STX1A: variants seen among roughly 807,000 people sequenced by gnomAD.
STX1A encodes the protein syntaxin-1A.
STX1A carries 4 observed loss-of-function variants against 37.8 expected under a neutral mutation model. The observed-to-expected ratio is 0.11, with a 90% confidence interval of 0.05 to 0.24. The LOEUF is 0.24. STX1A is among the 10% of genes least tolerant of loss of function. The pLI is 1.00. For missense variants in STX1A, 251 were observed against 399.9 expected (o/e 0.63, Z 3.18); for synonymous variants, 135 against 147.4 (o/e 0.92, Z 0.61).
intron 1 of STX1A, among the ~76,000 whole-genome samples, chr7:73,713,772 G>C (rs781876924): frequency 6.6e-6 from 1 of 152,214 alleles, no homozygotes; most frequent in African/African-American, 2.4e-5. Flanking sequence ...GGAATAATTA[G>C]GGCCCAGCTC....
At chr7:73,713,332 G>C (rs1799171132) in intron 1 of STX1A, among the ~76,000 whole-genome samples, 1 of 152,142 alleles carries the variant, frequency 6.6e-6, no homozygotes, top group African/African-American at 2.4e-5. Flanking sequence ...CACCTCCTCT[G>C]TTTCCCAGCC....
chr7:73,700,016 G>C lies in STX1A; in HGVS notation c.*391C>G. On this transcript the variant is annotated 3_prime_UTR_variant, in exon 10 of 10. Transcript: ENST00000222812. This position sits in a 1 kb window ranked among gnomAD's most constrained non-coding sequence, Gnocchi z 4.4. ...CCTCAGGGCTCTGCTTGTGGGGACAGCTGGAGAGGACAGGGCAGGTCAGCT... is the reference window on the plus strand; with the variant it reads ...CCTCAGGGCTCTGCTTGTGGGGACACCTGGAGAGGACAGGGCAGGTCAGCT... The C allele has an allele frequency of 3.5e-6, 1 of 284,082 alleles. No individual in the cohort carries two copies. The highest frequency in any genetic ancestry group is 4.2e-5 in the South Asian group (1 of 23,754). 17.6% of individuals were successfully genotyped at this position (284,082 alleles called of 1,614,324 possible).
At chr7:73,704,531 T>A in intron 4 of STX1A, 108 bp from the exon 5 acceptor site, 1 of 1,386,864 alleles carries the variant, frequency 7.2e-7, no homozygotes, top group Non-Finnish European at 1.0e-6. Flanking sequence ...GGTATGTGTG[T>A]GGCCTGTGGC....
At chr7:73,703,925 C>T (rs1247014713) in intron 6 of STX1A, 97 bp from the exon 7 acceptor site, 5 of 1,410,636 alleles carry the variant, frequency 3.5e-6, no homozygotes, top group Non-Finnish European at 4.7e-6. Context: ...CGGGCTCCCC[C>T]CAGCCCCGAG....
At chr7:73,714,823 T>G (rs1799234475) in intron 1 of STX1A, among the ~76,000 whole-genome samples, 1 of 150,622 alleles carries the variant, frequency 6.6e-6, no homozygotes, top group African/African-American at 2.4e-5. Context: ...CCAAAGAGAC[T>G]GAATCAGAAT....
At chr7:73,703,031 G>A (rs1584241472) in intron 7 of STX1A, 49 bp from the exon 8 acceptor site, 1 of 1,501,338 alleles carries the variant, frequency 6.7e-7, no homozygotes, top group Non-Finnish European at 8.9e-7. Flanking sequence ...CTGAGGGGCA[G>A]GGCAGAGGGC....
rs374783859 is a variant in STX1A at position 73,703,837 on chromosome 7, G to A, written c.467-9C>T. 3.7e-6 allele frequency: 6 copies of A among 1,612,526 alleles called. No homozygotes were observed. The highest frequency in any genetic ancestry group is 4.2e-6 in the Non-Finnish European group (5 of 1,179,458). On this transcript the variant is annotated splice_polypyrimidine_tract_variant and intron_variant, in intron 6 of 9. Transcript: ENST00000222812. ...GGTCGTGGTCCTGCCGGCTGCAAGC[G>A]AGTGGGGTCACACTGAGCCCAGCCC... is the stretch of plus-strand genomic sequence containing the variant.
Position 73,702,526 on chromosome 7 carries a change from T to C in STX1A, c.678+319A>G, listed in dbSNP as rs1798696445. ...GTCCCTGAGCTGTCCTGGTCACTGC[T>C]ATGCCTTCAGTCTCTGGGGAAATGC... On this transcript the variant is annotated intron_variant, in intron 8 of 9. Coordinates refer to ENST00000222812, the MANE Select transcript of STX1A (RefSeq NM_004603.4). The surrounding 1 kb of genome is among the most constrained non-coding windows in gnomAD (Gnocchi z 4.7). 4 of 642,478 alleles carry C rather than the reference T, an allele frequency of 6.2e-6. No individual in the cohort carries two copies. In the South Asian group the frequency reaches 1.0e-4, roughly 17 times the overall value. 39.8% of individuals were successfully genotyped at this position (642,478 alleles called of 1,614,324 possible). A position where few individuals can be genotyped will look rare whatever the true frequency, so the allele number is the denominator to read the frequency against.
At position 73,705,171 on chromosome 7, in the gene STX1A, T is replaced by C; in HGVS notation, c.262A>G (p.Lys88Glu). The change falls in exon 4 of 10, where the codon AAA (lysine) becomes GAA (glutamate). Residue 88 changes from lysine to glutamate, a missense_variant. Physicochemically the swap from Lys to Glu is moderately conservative, Grantham distance 56 (BLOSUM62 1). Coordinates refer to ENST00000222812, the MANE Select transcript of STX1A (RefSeq NM_004603.4). The surrounding 1 kb of genome is among the most constrained non-coding windows in gnomAD (Gnocchi z 5.2). ...TCACTCTTTAACTTGGAACGAACTT[T>C]GTTTGCTGTCTTCTTTATGTCGGAC... ...LMSDIKKTAN[K>E]VRSKLKSIEQ... 6.2e-7 allele frequency: 1 copy of C among 1,614,126 alleles called. No homozygotes were observed. Among genetic ancestry groups the C allele is most frequent in the Non-Finnish European group, 8.5e-7 (1 of 1,180,014 alleles).
rs1363508534 is a variant in STX1A, at chr7:73,709,781, G to C, written c.31-659C>G. 6.6e-6 allele frequency among the ~76,000 whole-genome samples: 1 copy of C among 152,178 alleles called. No homozygotes were observed. Among genetic ancestry groups the C allele is most frequent in the African/African-American group, 2.4e-5 (1 of 41,438 alleles). On this transcript the variant is annotated intron_variant, in intron 1 of 9. Transcript: ENST00000222812. The surrounding 1 kb of genome is among the most constrained non-coding windows in gnomAD (Gnocchi z 4.2). Reference sequence around the variant, plus strand: ...CCTTTCCAGAGTGGGCCCTATAAGGGGAGACCTGCCTACTGTGTCCCAGCC... The same window carrying C: ...CCTTTCCAGAGTGGGCCCTATAAGGCGAGACCTGCCTACTGTGTCCCAGCC...
intron 7 of STX1A, 61 bp from the exon 8 acceptor site, chr7:73,703,043 G>T (rs1187473254): frequency 2.3e-6 from 3 of 1,314,994 alleles, no homozygotes; most frequent in Non-Finnish European, 2.1e-6. Context: ...GCAGAGGGCC[G>T]AGGGGGAGGG....
In STX1A at chr7:73,709,203, AG is replaced by A; in HGVS notation, c.31-82del. ...ACGCAGGTGCCCAGGGTACAGCGCC[AG>A]GGCCCTGCCCCTCCCCCTCTCCCTG... On this transcript the variant is annotated intron_variant, in intron 1 of 9. Coordinates refer to ENST00000222812, the MANE Select transcript of STX1A (RefSeq NM_004603.4). The surrounding 1 kb of genome is among the most constrained non-coding windows in gnomAD (Gnocchi z 4.2). The A allele has an allele frequency of 7.0e-7, 1 of 1,436,062 alleles. No homozygotes were observed. The highest frequency in any genetic ancestry group is 9.7e-7 in the Non-Finnish European group (1 of 1,034,500). 89.0% of individuals were successfully genotyped at this position (1,436,062 alleles called of 1,614,324 possible).
chr7:73,704,269 G>A lies in STX1A; in HGVS notation c.358-13C>T. On this transcript the variant is annotated splice_polypyrimidine_tract_variant and intron_variant, in intron 5 of 9. Transcript: ENST00000222812. Reference sequence around the variant, plus strand: ...ACAGCGTGGAGTGCTGGGGGCCCGAGATGGAGGTGCAGGGGTCAGGCCCTG... The same window carrying A: ...ACAGCGTGGAGTGCTGGGGGCCCGAAATGGAGGTGCAGGGGTCAGGCCCTG... The A allele has an allele frequency of 6.2e-7, 1 of 1,614,044 alleles. No individual in the cohort carries two copies. The highest frequency in any genetic ancestry group is 8.5e-7 in the Non-Finnish European group (1 of 1,179,986).
chr7:73,712,442 G>A (rs1053044366), intron 1 of STX1A, among the ~76,000 whole-genome samples: 1 of 149,310 alleles, frequency 6.7e-6, no homozygotes, highest in Non-Finnish European at 1.5e-5. Flanking sequence ...CTTCTTCCTC[G>A]ATGCCACCTC....
Position 73,712,099 on chromosome 7 carries a change from G to C in STX1A, c.31-2977C>G, listed in dbSNP as rs75533747. On this transcript the variant is annotated intron_variant, in intron 1 of 9. Coordinates refer to ENST00000222812, the MANE Select transcript of STX1A (RefSeq NM_004603.4). ...GGGTAGATGGGGGCACGCAGGTCAA[G>C]TCTACCCTGGAGGTGGCATTGAGAT... Among the ~76,000 whole-genome samples, 19 of 152,208 alleles carry C rather than the reference G, an allele frequency of 1.2e-4. No homozygotes were observed. The East Asian group carries it at 3.1e-3, about 25-fold the overall frequency.
rs1799003990 is a variant in STX1A, at chr7:73,709,268, C to T, written c.31-146G>A. 3 of 707,992 alleles carry T rather than the reference C, an allele frequency of 4.2e-6. No homozygotes were observed. The South Asian group carries it at 5.6e-5, about 13-fold the overall frequency. The allele number at this position is 707,992 out of a possible 1,614,324, so 43.9% of individuals were successfully genotyped here. A position where few individuals can be genotyped will look rare whatever the true frequency, so the allele number is the denominator to read the frequency against. ...AGGGACAAGAACAGGCCTGGCTGTT[C>T]CGCTCCCAGCCACAGTAAGATCTGG... On this transcript the variant is annotated intron_variant, in intron 1 of 9. Transcript: ENST00000222812. The surrounding 1 kb of genome is among the most constrained non-coding windows in gnomAD (Gnocchi z 4.2).
chr7:73,700,601 G>A lies in STX1A; in HGVS notation c.790-117C>T. Reference sequence around the variant, plus strand: ...GGGATCCAAGCAGGGGAAGGTGACGGCCTGGGAGGGGGCTGTCATGGGGAG... The same window carrying A: ...GGGATCCAAGCAGGGGAAGGTGACGACCTGGGAGGGGGCTGTCATGGGGAG... On this transcript the variant is annotated intron_variant, in intron 9 of 9. Transcript: ENST00000222812. This position sits in a 1 kb window ranked among gnomAD's most constrained non-coding sequence, Gnocchi z 4.4. The A allele has an allele frequency of 6.7e-7, 1 of 1,500,534 alleles. No individual in the cohort carries two copies. The allele number at this position is 1,500,534 out of a possible 1,614,324, so 93.0% of individuals were successfully genotyped here. A position where few individuals can be genotyped will look rare whatever the true frequency, so the allele number is the denominator to read the frequency against.
Position 73,702,634 on chromosome 7 carries a change from T to C in STX1A, c.678+211A>G. The C allele has an allele frequency of 7.1e-7, 1 of 1,417,422 alleles. No homozygotes were observed. The highest frequency in any genetic ancestry group is 9.3e-7 in the Non-Finnish European group (1 of 1,077,614). The allele number at this position is 1,417,422 out of a possible 1,614,324, so 87.8% of individuals were successfully genotyped here. A position where few individuals can be genotyped will look rare whatever the true frequency, so the allele number is the denominator to read the frequency against. ...ATAGAGGGTGGGGCCATGCAGGGCC[T>C]GGGGTCCTTGAAGCTCAAGCAGAGC... On this transcript the variant is annotated intron_variant, in intron 8 of 9. Coordinates refer to ENST00000222812, the MANE Select transcript of STX1A (RefSeq NM_004603.4). This position sits in a 1 kb window ranked among gnomAD's most constrained non-coding sequence, Gnocchi z 4.7.
intron 2 of STX1A, 31 bp from the exon 3 acceptor site, chr7:73,708,719 G>C (rs1554617467): frequency 1.2e-6 from 2 of 1,603,756 alleles, no homozygotes; most frequent in Non-Finnish European, 8.5e-7. Context: ...GTCAGGAGAA[G>C]GAAATCAGGG....
Sources: allele counts gnomAD v4.1 joint callset (sites outside exome capture counted in the v4.1 genomes callset), GRCh38; gene constraint gnomAD v4.1.1; non-coding constraint Gnocchi (gnomAD v3.1); transcripts MANE v1.5; gene names NCBI Gene and HGNC (gene_info 2026-07-23, HGNC 2026-07-21).